The following DNAJB1 variants were observed in gnomAD, a reference collection of about 807,000 sequenced individuals.
DNAJB1 encodes the protein dnaJ homolog subfamily B member 1.
Under a neutral mutation model 24.0 loss-of-function variants are expected in DNAJB1, and 14 were observed. The ratio of observed to expected loss-of-function variants is 0.58; its 90% CI spans 0.39 to 0.91. The LOEUF is 0.91. Ranked by LOEUF, DNAJB1 falls within the 40% of genes least tolerant of loss-of-function variation. The pLI, the probability that DNAJB1 is intolerant of heterozygous loss-of-function variation, is 0.00. For missense variants in DNAJB1, 517 were observed against 458.1 expected (o/e 1.13, Z -1.17); for synonymous variants, 262 against 174.4 (o/e 1.50, Z -3.96).
chr19:14,522,683 G>GACACACAC (rs56121204), upstream of DNAJB1, among the ~76,000 whole-genome samples: 355 of 117,866 alleles, frequency 3.0e-3, 4 homozygotes, highest in Middle Eastern at 0.025. Flanking sequence ...CACACACACA[G>GACACACAC]ACACACACAC....
chr19:14,540,133 C>A (rs2073048523), intron 1 of DNAJB1, among the ~76,000 whole-genome samples: 1 of 151,494 alleles, frequency 6.6e-6, no homozygotes, highest in African/African-American at 2.4e-5. Context: ...GATCTCGGCT[C>A]ACTGCAAGCT....
upstream of DNAJB1, chr19:14,529,486 C>T (rs1389592453): frequency 1.4e-6 from 1 of 695,710 alleles, no homozygotes; most frequent in Non-Finnish European, 2.6e-6. Flanking sequence ...TAGTCCTAGT[C>T]TTGGTTCGGA....
In DNAJB1 at chr19:14,555,438, C is replaced by CTTTTTTTTTTT. The variant is rs747503834; in HGVS notation, c.-2165-1131_-2165-1121dup. 2.0e-4 allele frequency among the ~76,000 whole-genome samples: 19 copies of CTTTTTTTTTTT among 92,884 alleles called. 1 individual carries two copies. The highest frequency in any genetic ancestry group is 8.2e-4 in the African/African-American group (18 of 21,988). 60.9% of individuals were successfully genotyped at this position (92,884 alleles called of 152,430 possible). A position where few individuals can be genotyped will look rare whatever the true frequency, so the allele number is the denominator to read the frequency against. ...AAATTTTTTTGTATTTTTATTTATT[C>CTTTTTTTTTTT]TTTTTTTTTTTTTTTTTTTTTTTTT... On this transcript the variant is annotated intron_variant, in intron 1 of 5. Transcript: ENST00000679223.
chr19:14,537,894 C>T (rs2072960411), intron 1 of DNAJB1, among the ~76,000 whole-genome samples: 1 of 151,868 alleles, frequency 6.6e-6, no homozygotes, highest in Admixed American at 6.6e-5. Flanking sequence ...TACAGGTGCC[C>T]ACCACCACAC....
At chr19:14,547,502 A>G (rs1330981804) in intron 1 of DNAJB1, among the ~76,000 whole-genome samples, 1 of 152,124 alleles carries the variant, frequency 6.6e-6, no homozygotes, top group African/African-American at 2.4e-5. Flanking sequence ...CTGGGACTAC[A>G]GGCATGTGCC....
upstream of DNAJB1, among the ~76,000 whole-genome samples, chr19:14,522,375 T>C (rs2072369929): frequency 6.6e-6 from 1 of 151,078 alleles, no homozygotes; most frequent in Non-Finnish European, 1.5e-5. Flanking sequence ...ATCCCAGCAC[T>C]TTGGGAGGCT....
chr19:14,532,908 G>C (rs183313671), upstream of DNAJB1, among the ~76,000 whole-genome samples: 230 of 152,006 alleles, frequency 1.5e-3, 2 homozygotes, highest in African/African-American at 5.3e-3. Flanking sequence ...TCAGGAGTTC[G>C]AGACCAGCCT....
intron 1 of DNAJB1, among the ~76,000 whole-genome samples, chr19:14,538,120 A>G (rs995124977): frequency 3.3e-5 from 5 of 152,150 alleles, no homozygotes; most frequent in African/African-American, 1.2e-4. Flanking sequence ...TCTTATCTCT[A>G]CTTGACTGAT....
At chr19:14,523,400 C>T (rs187371298) in intron 2 of DNAJB1, among the ~76,000 whole-genome samples, 2 of 151,644 alleles carry the variant, frequency 1.3e-5, no homozygotes, top group South Asian at 2.1e-4. Context: ...CTGCAACTTC[C>T]GCCTCCTGGG....
chr19:14,559,065 T>C (rs1238003339), intron 1 of DNAJB1, among the ~76,000 whole-genome samples: 1 of 152,114 alleles, frequency 6.6e-6, no homozygotes, highest in African/African-American at 2.4e-5. Context: ...GGTCTCACAT[T>C]AGGCCCTCCC....
At chr19:14,521,230 A>G (rs187035490), upstream of DNAJB1, among the ~76,000 whole-genome samples, 1,326 of 152,164 alleles carry the variant, frequency 8.7e-3, 26 homozygotes, top group South Asian at 0.029. Context: ...AGGCTGAGGC[A>G]GGTGGATCAC....
intron 1 of DNAJB1, among the ~76,000 whole-genome samples, chr19:14,542,376 T>TC (rs2073133577): frequency 9.1e-6 from 1 of 110,124 alleles, no homozygotes; most frequent in Non-Finnish European, 1.8e-5. Context: ...TTTTTTTTTT[T>TC]CTGAGATGGA....
chr19:14,529,594 G>T (rs1246611374), upstream of DNAJB1: 11 of 1,578,440 alleles, frequency 7.0e-6, no homozygotes, highest in Admixed American at 3.3e-5. Context: ...GCAGAGCCGC[G>T]TTTAGTCTAT....
chr19:14,524,744 G>T (rs2072399419), intron 2 of DNAJB1, among the ~76,000 whole-genome samples: 1 of 150,238 alleles, frequency 6.7e-6, no homozygotes. Flanking sequence ...TATTTGGGAG[G>T]CTGAGGCAGG....
Position 14,515,795 on chromosome 19 carries a change from G to A in DNAJB1, c.*145C>T, listed in dbSNP as rs1286770508. 5.3e-6 allele frequency: 4 copies of A among 753,618 alleles called. No homozygotes were observed. The highest frequency in any genetic ancestry group is 6.5e-6 in the Non-Finnish European group (3 of 463,576). 46.7% of individuals were successfully genotyped at this position (753,618 alleles called of 1,614,324 possible). A position where few individuals can be genotyped will look rare whatever the true frequency, so the allele number is the denominator to read the frequency against. ...GTCTAGTGTGCGACTTTGAAAGATT[G>A]TAATATATGCTCTGGAAAACATTCA... On this transcript the variant is annotated 3_prime_UTR_variant, in exon 3 of 3. Coordinates refer to ENST00000254322, the MANE Select transcript of DNAJB1 (RefSeq NM_006145.3).
upstream of DNAJB1, among the ~76,000 whole-genome samples, chr19:14,519,473 G>C (rs2072337614): frequency 6.6e-6 from 1 of 152,194 alleles, no homozygotes; most frequent in African/African-American, 2.4e-5. Context: ...GACTGCCTCT[G>C]TTCTCACCTC....
At chr19:14,530,574 C>G (rs1026591849), upstream of DNAJB1, 1 of 152,054 alleles carries the variant, frequency 6.6e-6, no homozygotes, top group Non-Finnish European at 1.5e-5. Context: ...TATTATTATT[C>G]CTGTTTGTAA....
intron 1 of DNAJB1, among the ~76,000 whole-genome samples, chr19:14,541,440 TGC>T (rs2073094525): frequency 5.2e-5 from 8 of 152,386 alleles, no homozygotes; most frequent in African/African-American, 1.2e-4. Context: ...GGGCAGGTCC[TGC>T]TGGTCCAGGC....
At chr19:14,531,289 G>A (rs1433326303), upstream of DNAJB1, 1 of 151,906 alleles carries the variant, frequency 6.6e-6, no homozygotes, top group Admixed American at 6.6e-5. Flanking sequence ...TGCCCTCCTC[G>A]GCCTCCCAAA....
Sources: gnomAD v4.1 joint callset for allele counts (sites outside exome capture counted in the v4.1 genomes callset) on GRCh38, gnomAD v4.1.1 for gene constraint, MANE v1.5 for transcripts, NCBI Gene and HGNC (gene_info 2026-07-23, HGNC 2026-07-21) for gene names.